Variants in SCARA3 observed in about 807,000 individuals in gnomAD.
The protein encoded by SCARA3 is cellular stress response gene protein.
A neutral mutation model predicts 47.0 loss-of-function variants in SCARA3; 39 were observed. The ratio of observed to expected loss-of-function variants is 0.83; its 90% CI spans 0.64 to 1.08. SCARA3 has a LOEUF of 1.08. Among genes scored for constraint, SCARA3 ranks in the 50% least tolerant of loss-of-function variants. The probability of loss-of-function intolerance (pLI) is 0.00; values close to 1 mark genes in which losing one functional copy is unlikely to be tolerated. For missense variants in SCARA3, 724 were observed against 792.3 expected, an observed-to-expected ratio of 0.91 and a Z score of 1.04; for synonymous variants, 356 against 334.1, an observed-to-expected ratio of 1.07 and a Z score of -0.71.
rs566057261 is a variant in SCARA3, at chr8:27,669,008, A to G, written c.1370-1892A>G. 2.2e-3 allele frequency among the ~76,000 whole-genome samples: 337 copies of G among 152,286 alleles called. 3 individuals are homozygous for G. Among genetic ancestry groups the G allele is most frequent in the African/African-American group, 7.9e-3 (328 of 41,558 alleles). On this transcript the variant is annotated intron_variant, in intron 5 of 5. Coordinates refer to ENST00000301904, the MANE Select transcript of SCARA3 (RefSeq NM_016240.3). ...CATCCTTGTCCCAGCGAGTCTTCTC[A>G]GGCTTTTCCTGAGTCAAGGCTGGAG...
downstream of SCARA3, among the ~76,000 whole-genome samples, chr8:27,680,872 A>G (rs1270272247): frequency 6.6e-6 from 1 of 152,152 alleles, no homozygotes; most frequent in Non-Finnish European, 1.5e-5. Context: ...AGTTTGTCAT[A>G]TGTACAGAGT....
chr8:27,689,662 C>T, the SCARA3 span, among the ~76,000 whole-genome samples: 1 of 152,132 alleles, frequency 6.6e-6, no homozygotes, highest in Non-Finnish European at 1.5e-5. Flanking sequence ...TGGGGATGGC[C>T]CAGCTGGGTC....
At chr8:27,689,571 A>C in the SCARA3 span, among the ~76,000 whole-genome samples, 1 of 152,298 alleles carries the variant, frequency 6.6e-6, no homozygotes, top group South Asian at 2.1e-4. Context: ...CTTCGAAGAC[A>C]CAAGTGCTGT....
chr8:27,675,654 G>T (rs501097), downstream of SCARA3, among the ~76,000 whole-genome samples: 88,437 of 151,954 alleles, frequency 0.58, 27,092 homozygotes, highest in Non-Finnish European at 0.68. Context: ...ACTGGGCAGG[G>T]TGGTGTGCAC....
intron 3 of SCARA3, among the ~76,000 whole-genome samples, chr8:27,652,164 T>A (rs1291459774): frequency 2.0e-5 from 3 of 152,236 alleles, no homozygotes; most frequent in African/African-American, 7.2e-5. Context: ...CAGCCAGACC[T>A]GCTGAGACCA....
intron 1 of SCARA3, among the ~76,000 whole-genome samples, chr8:27,637,354 G>A (rs184711467): frequency 6.6e-6 from 1 of 152,366 alleles, no homozygotes; most frequent in African/African-American, 2.4e-5. Flanking sequence ...CCACTGGCTT[G>A]TCCAAGCCAT....
At position 27,658,944 on chromosome 8, in the gene SCARA3, C is replaced by T. The variant is rs759897880; in HGVS notation, c.774C>T (p.Tyr258=). ...AGATTGTCACCGACTGGCAGAACTA[C>T]ACACGGCTCTTCAGCGGCCTGCGCA... is the stretch of plus-strand genomic sequence containing the variant. ...LQKIVTDWQN[Y]TRLFSGLRTT... Residue 258 remains tyrosine, a synonymous_variant, in exon 5 of 6, where the codon TAC becomes TAT. Coordinates refer to ENST00000301904, the MANE Select transcript of SCARA3 (RefSeq NM_016240.3). The T allele has an allele frequency of 1.2e-6, 2 of 1,614,178 alleles. No homozygotes were observed. Among genetic ancestry groups the T allele is most frequent in the Admixed American group, 1.7e-5 (1 of 60,020 alleles).
the SCARA3 span, among the ~76,000 whole-genome samples, chr8:27,717,886 C>T: frequency 1.3e-5 from 2 of 152,170 alleles, no homozygotes; most frequent in African/African-American, 4.8e-5. Context: ...GGCGTTAAGT[C>T]AGTTAGTCTG....
intron 1 of SCARA3, among the ~76,000 whole-genome samples, chr8:27,635,996 G>A (rs1343869491): frequency 1.3e-5 from 2 of 152,100 alleles, no homozygotes; most frequent in African/African-American, 2.4e-5. Flanking sequence ...TGTGCTTCCC[G>A]TTGGCCTCCC....
intron 1 of SCARA3, among the ~76,000 whole-genome samples, chr8:27,642,323 C>T (rs1375300397): frequency 6.6e-6 from 1 of 152,170 alleles, no homozygotes; most frequent in Non-Finnish European, 1.5e-5. Flanking sequence ...ATAAAAGTGG[C>T]TGCTACTACT....
chr8:27,666,472 G>A (rs1310141045), intron 5 of SCARA3, among the ~76,000 whole-genome samples: 1 of 152,204 alleles, frequency 6.6e-6, no homozygotes, highest in Non-Finnish European at 1.5e-5. Context: ...AAGCCCATGG[G>A]CATGTTTTTA....
At chr8:27,668,337 G>A (rs907865074) in intron 5 of SCARA3, among the ~76,000 whole-genome samples, 3 of 150,770 alleles carry the variant, frequency 2.0e-5, no homozygotes, top group Non-Finnish European at 4.4e-5. Flanking sequence ...TCAGGAGATC[G>A]AGACCATCCT....
chr8:27,675,976 A>G (rs551027314), downstream of SCARA3, among the ~76,000 whole-genome samples: 77 of 152,304 alleles, frequency 5.1e-4, 1 homozygote, highest in South Asian at 6.8e-3. Context: ...TGAGAGCCAC[A>G]GGTGTAGGAG....
chr8:27,714,486 C>T, the SCARA3 span, among the ~76,000 whole-genome samples: 1 of 152,138 alleles, frequency 6.6e-6, no homozygotes, highest in Non-Finnish European at 1.5e-5. Context: ...AGCCACCACG[C>T]CGGGCCTCAG....
the SCARA3 span, among the ~76,000 whole-genome samples, chr8:27,713,426 T>A: frequency 5.1e-4 from 78 of 152,370 alleles, no homozygotes; most frequent in African/African-American, 1.7e-3. Context: ...TCTTTCCTCT[T>A]GTAATCAATA....
At chr8:27,635,092 T>C (rs1801221607) in intron 1 of SCARA3, among the ~76,000 whole-genome samples, 1 of 152,146 alleles carries the variant, frequency 6.6e-6, no homozygotes, top group East Asian at 1.9e-4. Flanking sequence ...CATCTGCTTA[T>C]GGAAAGTAGA....
At chr8:27,657,038 A>G (rs529533062) in intron 4 of SCARA3, among the ~76,000 whole-genome samples, 158 bp downstream of exon 4, 1 of 152,154 alleles carries the variant, frequency 6.6e-6, no homozygotes, top group Non-Finnish European at 1.5e-5. Context: ...CCGGATCTCC[A>G]TCCATTAGAG....
chr8:27,724,682 G>C, the SCARA3 span, among the ~76,000 whole-genome samples: 1 of 152,014 alleles, frequency 6.6e-6, no homozygotes, highest in Admixed American at 6.6e-5. Context: ...CAAAAAACTG[G>C]TTAAGTGTGC....
the SCARA3 span, among the ~76,000 whole-genome samples, chr8:27,730,513 T>C: frequency 7.0e-6 from 1 of 142,582 alleles, no homozygotes; most frequent in Non-Finnish European, 1.5e-5. Flanking sequence ...TTTAATCGGG[T>C]CTCACTCAGG....
Sources: allele counts gnomAD v4.1 joint callset (sites outside exome capture counted in the v4.1 genomes callset), GRCh38; gene constraint gnomAD v4.1.1; transcripts MANE v1.5; gene names NCBI Gene and HGNC (gene_info 2026-07-23, HGNC 2026-07-21).